The following UBE2W variants were observed in gnomAD, a reference collection of about 807,000 sequenced individuals.
UBE2W encodes ubiquitin-conjugating enzyme E2 W.
In UBE2W, 18 loss-of-function variants were observed where a neutral mutation model predicts 27.2. The observed-to-expected ratio is 0.66, with a 90% CI of 0.46 to 0.98. UBE2W has a LOEUF of 0.98. Among genes scored for constraint, UBE2W ranks in the 50% least tolerant of loss-of-function variants. The pLI is 0.00. For missense variants in UBE2W, 90 were observed against 180.2 expected (o/e 0.50, Z 2.87); for synonymous variants, 53 against 57.2 (o/e 0.93, Z 0.33).
intron 1 of UBE2W, among the ~76,000 whole-genome samples, chr8:73,855,318 A>G: frequency 6.6e-6 from 1 of 152,134 alleles, no homozygotes; most frequent in Non-Finnish European, 1.5e-5. Flanking sequence ...ACTTGAGCTC[A>G]CAGCAATAGC....
At chr8:73,835,178 C>A (rs1022603122) in intron 1 of UBE2W, among the ~76,000 whole-genome samples, 4 of 151,434 alleles carry the variant, frequency 2.6e-5, no homozygotes, top group Non-Finnish European at 5.9e-5. Flanking sequence ...TAAAAAAGCG[C>A]TTTATTGGTA....
At position 73,878,862 on chromosome 8, in the gene UBE2W, C is replaced by T. The variant is rs1451873971; in HGVS notation, c.-40G>A. On this transcript the variant is annotated 5_prime_UTR_variant, in exon 1 of 6. Coordinates refer to ENST00000602593, the MANE Select transcript of UBE2W (RefSeq NM_018299.6). The stretch of plus-strand genomic sequence containing the variant: ...CCCAAGACCGGCGAGGCCAGAGACG[C>T]AGGGGGAGGAGCTGCCGTGCTCGCG... The T allele has an allele frequency of 6.5e-7, 1 of 1,545,856 alleles. No individual in the cohort carries two copies. The highest frequency in any genetic ancestry group is 2.5e-5 in the East Asian group (1 of 40,346).
At chr8:73,826,737 C>T (rs1809851548) in intron 2 of UBE2W, among the ~76,000 whole-genome samples, 1 of 152,122 alleles carries the variant, frequency 6.6e-6, no homozygotes, top group Non-Finnish European at 1.5e-5. Context: ...AATCTTAACT[C>T]ATTGTGTGAA....
At chr8:73,796,524 T>C in intron 5 of UBE2W, 1 of 484,714 alleles carries the variant, frequency 2.1e-6, no homozygotes, top group Non-Finnish European at 2.7e-6. Flanking sequence ...CTGTAGAACG[T>C]GCTACCAAAA....
At chr8:73,839,586 G>A (rs1437047510) in intron 1 of UBE2W, among the ~76,000 whole-genome samples, 1 of 151,556 alleles carries the variant, frequency 6.6e-6, no homozygotes, top group Non-Finnish European at 1.5e-5. Flanking sequence ...GAACCCAGGA[G>A]GCAGAGTTTG....
At chr8:73,813,391 A>G (rs1162157160) in intron 3 of UBE2W, among the ~76,000 whole-genome samples, 2 of 152,230 alleles carry the variant, frequency 1.3e-5, no homozygotes, top group African/African-American at 4.8e-5. Context: ...AAGCAAAGAG[A>G]ACCAGTAATG....
intron 4 of UBE2W, among the ~76,000 whole-genome samples, chr8:73,780,871 AT>A (rs1341419169): frequency 6.6e-6 from 1 of 152,126 alleles, no homozygotes; most frequent in Non-Finnish European, 1.5e-5. Flanking sequence ...AAGTGCAATG[AT>A]TTTCTGAGTT....
At chr8:73,839,311 G>C (rs1396555449) in intron 1 of UBE2W, among the ~76,000 whole-genome samples, 18 of 136,346 alleles carry the variant, frequency 1.3e-4, no homozygotes, top group Non-Finnish European at 2.6e-4. Flanking sequence ...TGGTTATTTT[G>C]AATCATGGAA....
intron 3 of UBE2W, among the ~76,000 whole-genome samples, chr8:73,820,337 T>A (rs1430004770): frequency 6.6e-6 from 1 of 152,196 alleles, no homozygotes; most frequent in Non-Finnish European, 1.5e-5. Context: ...AAATACATTT[T>A]AAAAAATTTT....
intron 1 of UBE2W, among the ~76,000 whole-genome samples, chr8:73,839,901 T>C (rs374124927): frequency 5.7e-4 from 86 of 151,238 alleles, no homozygotes; most frequent in African/African-American, 2.0e-3. Context: ...CTGGCTAAAT[T>C]TTGTATTTTA....
In UBE2W at chr8:73,797,204, A is replaced by G. The variant is rs186736558; in HGVS notation, c.443-3089T>C. On this transcript the variant is annotated intron_variant, in intron 5 of 5. Coordinates refer to ENST00000602593, the MANE Select transcript of UBE2W (RefSeq NM_018299.6). ...GAACTATATTAGAAGAAGGTCATTT[A>G]GTTTTCTCCTGAGAATAAAAACTAT... Among the ~76,000 whole-genome samples, 80 of 152,306 alleles carry G rather than the reference A, an allele frequency of 5.3e-4. 1 individual carries two copies. The East Asian group carries it at 0.015, about 29-fold the overall frequency.
intron 1 of UBE2W, among the ~76,000 whole-genome samples, chr8:73,848,929 T>C (rs1045686590): frequency 4.6e-5 from 7 of 152,224 alleles, no homozygotes; most frequent in African/African-American, 7.2e-5. Context: ...TAAAATTGAC[T>C]GGTGATAGTT....
intron 2 of UBE2W, among the ~76,000 whole-genome samples, chr8:73,827,847 A>G (rs1048182738): frequency 6.6e-6 from 1 of 152,174 alleles, no homozygotes; most frequent in Non-Finnish European, 1.5e-5. Flanking sequence ...GCCAGGACTA[A>G]TAAGTTTGTA....
chr8:73,782,862 G>A (rs1807868876), downstream of UBE2W, among the ~76,000 whole-genome samples: 1 of 152,170 alleles, frequency 6.6e-6, no homozygotes, highest in African/African-American at 2.4e-5. Flanking sequence ...TTTCCAAAGT[G>A]GTTATACAAT....
At chr8:73,847,710 T>C (rs933321722) in intron 1 of UBE2W, among the ~76,000 whole-genome samples, 2 of 151,968 alleles carry the variant, frequency 1.3e-5, no homozygotes. Context: ...AAGACCAGCC[T>C]GGCCAACGTG....
chr8:73,853,098 G>A (rs61630992), intron 1 of UBE2W, among the ~76,000 whole-genome samples: 4,750 of 152,162 alleles, frequency 0.031, 230 homozygotes, highest in African/African-American at 0.1. Flanking sequence ...CTATAAGAAG[G>A]CAGAGAGCTA....
rs1808077802 is a variant in UBE2W, at chr8:73,788,972, A to T, written c.*5130T>A. The T allele has an allele frequency of 1.0e-6, 1 of 983,054 alleles. No homozygotes were observed. Among genetic ancestry groups the T allele is most frequent in the Non-Finnish European group, 1.2e-6 (1 of 827,812 alleles). 60.9% of individuals were successfully genotyped at this position (983,054 alleles called of 1,614,324 possible). A position where few individuals can be genotyped will look rare whatever the true frequency, so the allele number is the denominator to read the frequency against. On this transcript the variant is annotated 3_prime_UTR_variant, in exon 6 of 6. Transcript: ENST00000602593. Reference sequence around the variant, plus strand: ...ATATTTTATTAACAAAAAATTTTTCATAAAAAAATAGTCATTTAATCATTC... The same window carrying T: ...ATATTTTATTAACAAAAAATTTTTCTTAAAAAAATAGTCATTTAATCATTC...
At position 73,805,472 on chromosome 8, in the gene UBE2W, C is replaced by CAAAAAAAAAAAAAAAAA; in HGVS notation, c.442+178_442+179insTTTTTTTTTTTTTTTTT. Among the ~76,000 whole-genome samples the CAAAAAAAAAAAAAAAAA allele has an allele frequency of 1.0e-3, 44 of 43,688 alleles. 7 individuals are homozygous for CAAAAAAAAAAAAAAAAA. The highest frequency in any genetic ancestry group is 5.6e-3 in the South Asian group (6 of 1,074). The allele number at this position is 43,688 out of a possible 152,430, so 28.7% of individuals were successfully genotyped here. A position where few individuals can be genotyped will look rare whatever the true frequency, so the allele number is the denominator to read the frequency against. ...TCCATCTCAAAAAAAAAAAAAAAAACAAAAAAAACTAGGGTAATTCATCCA... is the reference window on the plus strand; with the variant it reads ...TCCATCTCAAAAAAAAAAAAAAAAACAAAAAAAAAAAAAAAAAAAAAAAAACTAGGGTAATTCATCCA... On this transcript the variant is annotated intron_variant, in intron 5 of 5. Coordinates refer to ENST00000602593, the MANE Select transcript of UBE2W (RefSeq NM_018299.6).
intron 1 of UBE2W, among the ~76,000 whole-genome samples, chr8:73,863,592 A>G (rs202173431): frequency 0.023 from 1,020 of 44,328 alleles, 9 homozygotes; most frequent in African/African-American, 0.045. Flanking sequence ...AAAAAAAAAG[A>G]AAAAAAAATA....
Sources: gnomAD v4.1 joint callset for allele counts (sites outside exome capture counted in the v4.1 genomes callset) on GRCh38, gnomAD v4.1.1 for gene constraint, MANE v1.5 for transcripts, NCBI Gene and HGNC (gene_info 2026-07-23, HGNC 2026-07-21) for gene names.